Variants in GRIK1 observed in about 807,000 individuals in gnomAD.
GRIK1 encodes the protein glutamate ionotropic receptor kainate type subunit 1.
GRIK1 carries 69 observed loss-of-function variants against 105.7 expected under a neutral mutation model. The ratio of observed to expected loss-of-function variants is 0.65; its 90% CI spans 0.54 to 0.80. GRIK1 has a LOEUF of 0.80. Among genes scored for constraint, GRIK1 ranks in the 30% least tolerant of loss-of-function variants. The probability of loss-of-function intolerance (pLI) is 0.00; values close to 1 mark genes in which losing one functional copy is unlikely to be tolerated. For missense variants in GRIK1, 1,109 were observed against 1,167.3 expected (o/e 0.95, Z 0.73); for synonymous variants, 438 against 431.3 (o/e 1.02, Z -0.19).
intron 1 of GRIK1, among the ~76,000 whole-genome samples, chr21:29,738,681 A>G (rs2064855049): frequency 6.6e-6 from 1 of 152,236 alleles, no homozygotes; most frequent in South Asian, 2.1e-4. Context: ...AGAGAATATG[A>G]ATTCACAGAC....
intron 1 of GRIK1, among the ~76,000 whole-genome samples, chr21:29,875,834 T>G (rs543670933): frequency 1.3e-3 from 202 of 152,288 alleles, no homozygotes; most frequent in African/African-American, 4.7e-3. Flanking sequence ...AAAAACCTCC[T>G]CATGTTGGAG....
At chr21:29,799,703 T>A (rs1484238992) in intron 1 of GRIK1, among the ~76,000 whole-genome samples, 1 of 152,172 alleles carries the variant, frequency 6.6e-6, no homozygotes, top group Non-Finnish European at 1.5e-5. Flanking sequence ...CTAATTTTTG[T>A]ATTTTTAGTA....
chr21:29,912,557 T>C (rs1252629761), intron 1 of GRIK1, among the ~76,000 whole-genome samples: 1 of 152,128 alleles, frequency 6.6e-6, no homozygotes, highest in East Asian at 1.9e-4. Context: ...TTTGGGTTTC[T>C]TTCCTCTTTC....
intron 1 of GRIK1, among the ~76,000 whole-genome samples, chr21:29,887,724 C>T (rs2069687755): frequency 6.6e-6 from 1 of 152,028 alleles, no homozygotes; most frequent in Non-Finnish European, 1.5e-5. Flanking sequence ...AGTGTGTTGG[C>T]ATTTTTTTTC....
intron 1 of GRIK1, among the ~76,000 whole-genome samples, chr21:29,717,818 A>C (rs1264790813): frequency 6.6e-6 from 1 of 152,136 alleles, no homozygotes; most frequent in Admixed American, 6.5e-5. Context: ...TGAGAACATG[A>C]GATTTGGGAG....
chr21:29,689,789 G>C lies in GRIK1; in HGVS notation c.483C>G (p.Ile161Met). The change falls in exon 3 of 18, where the codon ATC becomes ATG. Residue 161 changes from isoleucine to methionine, a missense_variant. Ile to Met is a conservative substitution (Grantham distance 10). Coordinates refer to ENST00000327783, the MANE Select transcript of GRIK1 (RefSeq NM_001330994.2). ...AGTTGTAATAGAGGACCAGATCCAGGATCGCCCTGCTGATAGCTGCATAAT... is the reference window on the plus strand; with the variant it reads ...AGTTGTAATAGAGGACCAGATCCAGCATCGCCCTGCTGATAGCTGCATAAT... ...YPDYAAISRAILDLVLYYNWK... is the reference protein window; with the variant it reads ...YPDYAAISRAMLDLVLYYNWK... 6.2e-7 allele frequency: 1 copy of C among 1,613,706 alleles called. No individual in the cohort carries two copies. The highest frequency in any genetic ancestry group is 1.3e-5 in the African/African-American group (1 of 75,006).
chr21:29,934,985 A>G (rs1199273869), intron 1 of GRIK1, among the ~76,000 whole-genome samples: 1 of 152,130 alleles, frequency 6.6e-6, no homozygotes, highest in African/African-American at 2.4e-5. Context: ...CCCAGCACCC[A>G]TTGGAGTTTT....
intron 16 of GRIK1, among the ~76,000 whole-genome samples, chr21:29,541,837 C>G (rs1215591382): frequency 6.6e-6 from 1 of 151,880 alleles, no homozygotes; most frequent in Non-Finnish European, 1.5e-5. Flanking sequence ...GGCACTCCAA[C>G]ATCAGAAGGA....
intron 1 of GRIK1, among the ~76,000 whole-genome samples, chr21:29,930,129 T>G (rs1224295831): frequency 1.3e-5 from 2 of 152,214 alleles, no homozygotes; most frequent in Non-Finnish European, 2.9e-5. Context: ...TCAGTGGACA[T>G]GCATGGAAAC....
chr21:29,560,357 T>TTCTTTCTC (rs1555835104), intron 15 of GRIK1, among the ~76,000 whole-genome samples: 25 of 58,190 alleles, frequency 4.3e-4, no homozygotes, highest in African/African-American at 2.1e-3. Flanking sequence ...CTTTCTTTCT[T>TTCTTTCTC]TTTCTTTCTT....
At chr21:29,620,812 T>TATAG in intron 7 of GRIK1, among the ~76,000 whole-genome samples, 1 of 117,490 alleles carries the variant, frequency 8.5e-6, no homozygotes, top group South Asian at 2.4e-4. Context: ...TATAGATATA[T>TATAG]ATATATAGTA....
chr21:29,800,731 A>C (rs2145853662), intron 1 of GRIK1, among the ~76,000 whole-genome samples: 1 of 152,366 alleles, frequency 6.6e-6, no homozygotes, highest in South Asian at 2.1e-4. Flanking sequence ...AACACAAGAA[A>C]GTATAAGACA....
At chr21:29,796,359 A>G (rs1380967019) in intron 1 of GRIK1, among the ~76,000 whole-genome samples, 1 of 152,158 alleles carries the variant, frequency 6.6e-6, no homozygotes, top group Non-Finnish European at 1.5e-5. Flanking sequence ...AGAAAGACCT[A>G]AACTGCCCCA....
chr21:29,593,895 A>G (rs1160471121), intron 9 of GRIK1, among the ~76,000 whole-genome samples: 1 of 152,186 alleles, frequency 6.6e-6, no homozygotes, highest in Non-Finnish European at 1.5e-5. Context: ...TTCCTTTGCT[A>G]TCTGCACTAA....
intron 1 of GRIK1, among the ~76,000 whole-genome samples, chr21:29,876,583 T>C (rs1185785411): frequency 6.6e-6 from 1 of 152,200 alleles, no homozygotes; most frequent in Non-Finnish European, 1.5e-5. Flanking sequence ...CTATTCACAT[T>C]GCATCGCCCA....
chr21:29,867,395 G>A (rs1238150748), intron 1 of GRIK1, among the ~76,000 whole-genome samples: 1 of 152,158 alleles, frequency 6.6e-6, no homozygotes, highest in South Asian at 2.1e-4. Flanking sequence ...AAAGGGATAG[G>A]AGGGCTGAAG....
chr21:29,662,623 A>T (rs1266011600), intron 4 of GRIK1, among the ~76,000 whole-genome samples: 2 of 152,158 alleles, frequency 1.3e-5, no homozygotes, highest in African/African-American at 4.8e-5. Flanking sequence ...CACCTTTTGA[A>T]GGAGAGACAG....
At chr21:29,860,640 T>A (rs1173140967) in intron 1 of GRIK1, among the ~76,000 whole-genome samples, 1 of 152,262 alleles carries the variant, frequency 6.6e-6, no homozygotes, top group Non-Finnish European at 1.5e-5. Context: ...ATGTGGTTGC[T>A]TTAAATGCAA....
intron 1 of GRIK1, among the ~76,000 whole-genome samples, chr21:29,771,103 A>G (rs2145734590): frequency 6.6e-6 from 1 of 152,356 alleles, no homozygotes; most frequent in South Asian, 2.1e-4. Flanking sequence ...TATGCATACA[A>G]TCATGCCAAC....
Sources: allele counts gnomAD v4.1 joint callset (sites outside exome capture counted in the v4.1 genomes callset), GRCh38; gene constraint gnomAD v4.1.1; transcripts MANE v1.5; gene names NCBI Gene and HGNC (gene_info 2026-07-23, HGNC 2026-07-21).